FOXP1: variants seen among roughly 807,000 people sequenced by gnomAD.
FOXP1 encodes forkhead box P1.
Under a neutral mutation model 98.2 loss-of-function variants are expected in FOXP1, and 15 were observed. The ratio of observed to expected loss-of-function variants is 0.15; its 90% CI spans 0.10 to 0.24. The LOEUF (loss-of-function observed/expected upper bound fraction) is 0.24. Ranked by LOEUF, FOXP1 falls within the 10% of genes least tolerant of loss-of-function variation. FOXP1 has a pLI of 1.00. For synonymous variants in FOXP1, 371 were observed against 314.5 expected, an observed-to-expected ratio of 1.18 and a Z score of -1.90; for missense variants, 633 against 848.5, an observed-to-expected ratio of 0.75 and a Z score of 3.15.
chr3:71,085,554 T>C (rs1380746614), intron 7 of FOXP1, among the ~76,000 whole-genome samples: 1 of 152,024 alleles, frequency 6.6e-6, no homozygotes, highest in African/African-American at 2.4e-5. Flanking sequence ...TGGGCTCCTA[T>C]GGCTTCAGCT....
At chr3:71,110,338 G>C (rs1029354805) in intron 7 of FOXP1, among the ~76,000 whole-genome samples, 4 of 152,178 alleles carry the variant, frequency 2.6e-5, no homozygotes, top group Non-Finnish European at 5.9e-5. Flanking sequence ...AGTGTGATCA[G>C]ACAGATTGTG....
At chr3:71,488,912 TATGTA>T (rs2090861725) in intron 3 of FOXP1, among the ~76,000 whole-genome samples, 2 of 152,182 alleles carry the variant, frequency 1.3e-5, no homozygotes, top group Admixed American at 1.3e-4. Flanking sequence ...TAAAACATAT[TATGTA>T]GTTTATTAAA....
intron 6 of FOXP1, among the ~76,000 whole-genome samples, chr3:71,148,832 G>A (rs2060440540): frequency 6.6e-6 from 1 of 152,198 alleles, no homozygotes; most frequent in Non-Finnish European, 1.5e-5. Context: ...AGTCCAGCAG[G>A]AAGGCAGACA....
chr3:71,041,202 A>C (rs900601105), intron 11 of FOXP1, 126 bp downstream of exon 11: 3 of 783,074 alleles, frequency 3.8e-6, no homozygotes, highest in Non-Finnish European at 6.8e-6. Flanking sequence ...TACATTCCTC[A>C]GTAATTATAT....
chr3:71,043,001 T>C (rs1352676468), intron 10 of FOXP1, among the ~76,000 whole-genome samples: 1 of 152,178 alleles, frequency 6.6e-6, no homozygotes, highest in African/African-American at 2.4e-5. Context: ...TTTTTTTATA[T>C]TCACCGTGGA....
chr3:71,039,756 G>GAAAA (rs567940533), intron 11 of FOXP1, among the ~76,000 whole-genome samples: 1 of 108,282 alleles, frequency 9.2e-6, no homozygotes, highest in Admixed American at 9.6e-5. Context: ...TTTCTTTCTT[G>GAAAA]AAAAAAAAAA....
intron 17 of FOXP1, among the ~76,000 whole-genome samples, chr3:70,975,289 T>A (rs1485595723): frequency 6.6e-6 from 1 of 152,238 alleles, no homozygotes; most frequent in Non-Finnish European, 1.5e-5. Flanking sequence ...AAAGCATTCA[T>A]GGCTAAAGAT....
chr3:71,267,151 G>A (rs1446939071), intron 5 of FOXP1, among the ~76,000 whole-genome samples: 1 of 152,034 alleles, frequency 6.6e-6, no homozygotes, highest in East Asian at 1.9e-4. Flanking sequence ...GTGTGTGTGT[G>A]TGTGTAAACA....
At chr3:71,515,448 A>AC (rs2042504008) in intron 2 of FOXP1, among the ~76,000 whole-genome samples, 1 of 145,302 alleles carries the variant, frequency 6.9e-6, no homozygotes, top group Non-Finnish European at 1.5e-5. Flanking sequence ...AAAAAAAAAA[A>AC]AAAAACTGCA....
intron 7 of FOXP1, among the ~76,000 whole-genome samples, chr3:71,068,009 A>G (rs2052761143): frequency 6.6e-6 from 1 of 151,794 alleles, no homozygotes. Context: ...AAGCCATAAT[A>G]ATATAAAATG....
intron 6 of FOXP1, among the ~76,000 whole-genome samples, chr3:71,134,342 C>T (rs1015262442): frequency 5.9e-5 from 9 of 152,102 alleles, no homozygotes; most frequent in African/African-American, 2.2e-4. Flanking sequence ...GTAACCAAGG[C>T]TGGACAAGAA....
intron 3 of FOXP1, among the ~76,000 whole-genome samples, chr3:71,476,773 G>C (rs986877835): frequency 1.3e-5 from 2 of 151,814 alleles, no homozygotes; most frequent in Admixed American, 6.6e-5. Context: ...CAAAGTGCTG[G>C]GATTACAGGT....
At chr3:71,064,525 TAAAA>T (rs1236431848) in intron 7 of FOXP1, among the ~76,000 whole-genome samples, 3 of 149,178 alleles carry the variant, frequency 2.0e-5, no homozygotes, top group African/African-American at 7.4e-5. Flanking sequence ...CATGAACATT[TAAAA>T]AAAGAGAGCG....
chr3:70,976,174 G>A (rs901469272), intron 17 of FOXP1, among the ~76,000 whole-genome samples: 1 of 151,208 alleles, frequency 6.6e-6, no homozygotes, highest in Non-Finnish European at 1.5e-5. Flanking sequence ...CTCTGCCTCT[G>A]GAGTAGCTGT....
At chr3:71,201,421 A>G (rs1036444357) in intron 5 of FOXP1, among the ~76,000 whole-genome samples, 5 of 152,126 alleles carry the variant, frequency 3.3e-5, no homozygotes, top group South Asian at 4.1e-4. Context: ...CAAGGCAGGC[A>G]GATCACTTGA....
chr3:71,311,872 G>C (rs2074709233), intron 4 of FOXP1, among the ~76,000 whole-genome samples: 2 of 152,108 alleles, frequency 1.3e-5, no homozygotes, highest in Non-Finnish European at 2.9e-5. Context: ...CCTTTCCCAT[G>C]CCTCTCTTCC....
chr3:71,076,680 G>C (rs1383725502), intron 7 of FOXP1, among the ~76,000 whole-genome samples: 17 of 152,130 alleles, frequency 1.1e-4, no homozygotes. Context: ...AATTTCACCT[G>C]TATTTCCTAT....
At chr3:71,084,960 TAAAC>T (rs1401705428) in intron 7 of FOXP1, among the ~76,000 whole-genome samples, 7 of 152,212 alleles carry the variant, frequency 4.6e-5, no homozygotes, top group Admixed American at 6.5e-5. Flanking sequence ...CTTGAATAAA[TAAAC>T]AAACAAATCA....
At chr3:71,395,093 C>T (rs1421176520) in intron 3 of FOXP1, among the ~76,000 whole-genome samples, 6 of 117,122 alleles carry the variant, frequency 5.1e-5, no homozygotes, top group African/African-American at 2.2e-4. Context: ...AGAGTGAAAC[C>T]CCGTCACAAA....
Sources: allele counts gnomAD v4.1 joint callset (sites outside exome capture counted in the v4.1 genomes callset), GRCh38; gene constraint gnomAD v4.1.1; transcripts MANE v1.5; gene names NCBI Gene and HGNC (gene_info 2026-07-23, HGNC 2026-07-21).